GLIS3: variants seen among roughly 807,000 people sequenced by gnomAD.
GLIS3 encodes GLIS family zinc finger 3, also known as zinc finger protein GLIS3.
Under a neutral mutation model 78.6 loss-of-function variants are expected in GLIS3, and 53 were observed. That is an observed-to-expected ratio of 0.67 (90% CI 0.54 to 0.85). GLIS3 has a LOEUF of 0.85. GLIS3 is among the 40% of genes least tolerant of loss of function. The probability of loss-of-function intolerance (pLI) is 0.00; values close to 1 mark genes in which losing one functional copy is unlikely to be tolerated. For synonymous variants in GLIS3, 684 were observed against 509.9 expected (o/e 1.34, Z -4.60); for missense variants, 1,703 against 1,231.1 (o/e 1.38, Z -5.74).
chr9:4,428,986 C>G, the GLIS3 span, among the ~76,000 whole-genome samples: 1 of 152,140 alleles, frequency 6.6e-6, no homozygotes, highest in Non-Finnish European at 1.5e-5. Context: ...ATTTCCAAAA[C>G]CTCATCCTAG....
At chr9:4,034,021 A>G (rs898602454) in intron 4 of GLIS3, among the ~76,000 whole-genome samples, 8 of 152,112 alleles carry the variant, frequency 5.3e-5, no homozygotes, top group African/African-American at 1.4e-4. Context: ...TAGGAATTCA[A>G]TAACAGCCTA....
intron 6 of GLIS3, among the ~76,000 whole-genome samples, chr9:3,916,448 A>G (rs1588219048): frequency 1.3e-5 from 2 of 152,210 alleles, no homozygotes; most frequent in South Asian, 4.1e-4. Context: ...GGTTCAAAGT[A>G]TGTTTTGTTG....
At chr9:4,291,617 A>G (rs1208608359) in intron 1 of GLIS3, among the ~76,000 whole-genome samples, 1 of 152,074 alleles carries the variant, frequency 6.6e-6, no homozygotes, top group Non-Finnish European at 1.5e-5. Context: ...AAGGGAGAGG[A>G]AGGGAGTAGG....
At chr9:4,054,730 C>T (rs992146820) in intron 4 of GLIS3, among the ~76,000 whole-genome samples, 24 of 152,126 alleles carry the variant, frequency 1.6e-4, no homozygotes, top group African/African-American at 5.5e-4. Context: ...CATTTTGAAT[C>T]CAGAGTGGAT....
At chr9:3,978,179 C>T (rs1428597956) in intron 4 of GLIS3, among the ~76,000 whole-genome samples, 2 of 151,806 alleles carry the variant, frequency 1.3e-5, no homozygotes, top group East Asian at 3.9e-4. Flanking sequence ...ATGGTAATCT[C>T]AGAGTGAAAA....
the GLIS3 span, among the ~76,000 whole-genome samples, chr9:4,410,906 C>G: frequency 6.6e-6 from 1 of 152,104 alleles, no homozygotes; most frequent in South Asian, 2.1e-4. Context: ...TGTGGCCCAC[C>G]TTTAGTCACT....
chr9:4,238,397 G>C (rs182586407), intron 2 of GLIS3, among the ~76,000 whole-genome samples: 1 of 152,270 alleles, frequency 6.6e-6, no homozygotes, highest in Admixed American at 6.5e-5. Flanking sequence ...GAATGAGAGA[G>C]TCTACCCACA....
the GLIS3 span, among the ~76,000 whole-genome samples, chr9:4,428,911 C>T: frequency 0.22 from 33,306 of 151,962 alleles, 4,333 homozygotes; most frequent in African/African-American, 0.37. Flanking sequence ...GTCCCTGACA[C>T]CCCCATACCA....
Position 3,991,683 on chromosome 9 carries a change from A to AATTTTTTTTTTTTTTTTTTTT in GLIS3, c.1711-54495_1711-54494insAAAAAAAAAAAAAAAAAAAAT, listed in dbSNP as rs1265317427. On this transcript the variant is annotated intron_variant, in intron 4 of 10. Transcript: ENST00000381971. ...GTTCAGAATTTCATTAAGTAGGCTG[A>AATTTTTTTTTTTTTTTTTTTT]TTTTTTTTTTTTTTTTTTTTTTTTT... Among the ~76,000 whole-genome samples, 60 of 87,910 alleles carry AATTTTTTTTTTTTTTTTTTTT rather than the reference A, an allele frequency of 6.8e-4. 9 individuals are homozygous for AATTTTTTTTTTTTTTTTTTTT. Among genetic ancestry groups the AATTTTTTTTTTTTTTTTTTTT allele is most frequent in the African/African-American group, 2.2e-3 (41 of 18,984 alleles). 57.7% of individuals were successfully genotyped at this position (87,910 alleles called of 152,430 possible). A position where few individuals can be genotyped will look rare whatever the true frequency, so the allele number is the denominator to read the frequency against.
chr9:3,884,811 T>A (rs762367186), intron 7 of GLIS3, among the ~76,000 whole-genome samples: 1 of 152,112 alleles, frequency 6.6e-6, no homozygotes, highest in Non-Finnish European at 1.5e-5. Flanking sequence ...CTGATTTTAT[T>A]AATAGATCAC....
intron 6 of GLIS3, among the ~76,000 whole-genome samples, chr9:3,920,958 G>A (rs886889211): frequency 2.0e-5 from 3 of 152,174 alleles, no homozygotes; most frequent in African/African-American, 7.2e-5. Flanking sequence ...TGTCCTTAGA[G>A]ATTTGAAATG....
rs1335259934 is a variant in GLIS3, at chr9:3,872,940, T to C, written c.2297+6487A>G. 2.6e-5 allele frequency among the ~76,000 whole-genome samples: 4 copies of C among 151,790 alleles called. No homozygotes were observed. In the East Asian group the frequency reaches 7.8e-4, roughly 29 times the overall value. ...AAGATATGAGCAGAATAAAATGAAATAGAAACTAAAAAATATACAAAGAAG... is the reference window on the plus strand; with the variant it reads ...AAGATATGAGCAGAATAAAATGAAACAGAAACTAAAAAATATACAAAGAAG... On this transcript the variant is annotated intron_variant, in intron 8 of 10. Coordinates refer to ENST00000381971, the MANE Select transcript of GLIS3 (RefSeq NM_001042413.2).
chr9:4,005,540 C>G (rs572130955), intron 4 of GLIS3, among the ~76,000 whole-genome samples: 2 of 152,266 alleles, frequency 1.3e-5, no homozygotes, highest in East Asian at 1.9e-4. Flanking sequence ...CCTACTGGAC[C>G]TCTAGTCTCA....
intron 2 of GLIS3, among the ~76,000 whole-genome samples, chr9:4,139,654 G>A (rs1270590433): frequency 6.6e-6 from 1 of 152,166 alleles, no homozygotes; most frequent in East Asian, 1.9e-4. Flanking sequence ...GTGGTTTCAT[G>A]GAAAGCATGG....
chr9:3,959,180 C>A (rs1370260831), intron 4 of GLIS3, among the ~76,000 whole-genome samples: 1 of 152,130 alleles, frequency 6.6e-6, no homozygotes, highest in Non-Finnish European at 1.5e-5. Flanking sequence ...ATGGGCAGAG[C>A]CCTCTTGAAT....
intron 6 of GLIS3, among the ~76,000 whole-genome samples, chr9:3,904,974 CTCTTT>C (rs1232069142): frequency 1.4e-5 from 2 of 147,326 alleles, no homozygotes. Context: ...CCTCTTATGA[CTCTTT>C]TTTTTTTTTT....
At chr9:4,060,468 T>C (rs1455117632) in intron 4 of GLIS3, among the ~76,000 whole-genome samples, 1 of 152,176 alleles carries the variant, frequency 6.6e-6, no homozygotes, top group Non-Finnish European at 1.5e-5. Context: ...ATCCCCAGTG[T>C]GGCAGTATCT....
At chr9:3,833,542 A>G (rs1380135908) in intron 9 of GLIS3, among the ~76,000 whole-genome samples, 1 of 151,610 alleles carries the variant, frequency 6.6e-6, no homozygotes, top group Non-Finnish European at 1.5e-5. Context: ...AAAACCTGAG[A>G]GTGGTGGCAA....
At chr9:4,067,809 A>AG (rs1827229839) in intron 4 of GLIS3, among the ~76,000 whole-genome samples, 1 of 152,022 alleles carries the variant, frequency 6.6e-6, no homozygotes, top group East Asian at 1.9e-4. Flanking sequence ...AGAGCAAAAA[A>AG]AAAATATATG....
Sources: gnomAD v4.1 joint callset for allele counts (sites outside exome capture counted in the v4.1 genomes callset) on GRCh38, gnomAD v4.1.1 for gene constraint, MANE v1.5 for transcripts, NCBI Gene and HGNC (gene_info 2026-07-23, HGNC 2026-07-21) for gene names.